CLNK: variants seen among roughly 807,000 people sequenced by gnomAD.
The protein encoded by CLNK is cytokine dependent hematopoietic cell linker, also known as cytokine-dependent hematopoietic cell linker.
Under a neutral mutation model 68.6 loss-of-function variants are expected in CLNK, and 74 were observed. The observed-to-expected ratio is 1.08, with a 90% CI of 0.89 to 1.31. The LOEUF is 1.31. Ranked by LOEUF, CLNK falls within the 50% of genes most tolerant of loss-of-function variation. The probability of loss-of-function intolerance (pLI) is 0.00; values close to 1 mark genes in which losing one functional copy is unlikely to be tolerated. For synonymous variants in CLNK, 198 were observed against 172.2 expected, an observed-to-expected ratio of 1.15 and a Z score of -1.17; for missense variants, 553 against 515.3, an observed-to-expected ratio of 1.07 and a Z score of -0.71.
At chr4:10,636,169 T>A (rs993542330) in intron 2 of CLNK, among the ~76,000 whole-genome samples, 2 of 152,184 alleles carry the variant, frequency 1.3e-5, no homozygotes, top group Non-Finnish European at 2.9e-5. Context: ...GTATTGTGAA[T>A]GTGAATTTAT....
intron 2 of CLNK, among the ~76,000 whole-genome samples, chr4:10,620,383 C>G (rs762193750): frequency 6.6e-6 from 1 of 152,180 alleles, no homozygotes; most frequent in Non-Finnish European, 1.5e-5. Context: ...GCCAGAAACC[C>G]ACCTATCCTA....
the CLNK span, among the ~76,000 whole-genome samples, chr4:10,692,636 G>C: frequency 1.3e-5 from 2 of 152,204 alleles, no homozygotes; most frequent in Non-Finnish European, 2.9e-5. Flanking sequence ...AGAAAACAAG[G>C]AAACGTTTTC....
intron 12 of CLNK, among the ~76,000 whole-genome samples, chr4:10,530,872 A>G (rs1577110083): frequency 1.3e-5 from 2 of 152,132 alleles, no homozygotes; most frequent in South Asian, 4.2e-4. Flanking sequence ...AGGAAGTGCA[A>G]CCCCTCCCAG....
intron 2 of CLNK, among the ~76,000 whole-genome samples, chr4:10,610,218 G>C (rs1237451723): frequency 6.6e-6 from 1 of 150,476 alleles, no homozygotes; most frequent in African/African-American, 2.4e-5. Flanking sequence ...CACTGCGCCC[G>C]GCTAATTTTT....
chr4:10,723,222 T>A, the CLNK span, among the ~76,000 whole-genome samples: 2 of 152,192 alleles, frequency 1.3e-5, no homozygotes, highest in African/African-American at 4.8e-5. Context: ...TACTTGGGCA[T>A]AGAAAGTTGG....
At chr4:10,672,509 G>A (rs553898300) in intron 1 of CLNK, among the ~76,000 whole-genome samples, 116 of 152,266 alleles carry the variant, frequency 7.6e-4, no homozygotes, top group African/African-American at 2.6e-3. Flanking sequence ...TGAACTTGAA[G>A]ATTAATTAAA....
intron 11 of CLNK, among the ~76,000 whole-genome samples, chr4:10,535,665 A>G (rs1718731636): frequency 6.6e-6 from 1 of 152,196 alleles, no homozygotes; most frequent in Non-Finnish European, 1.5e-5. Flanking sequence ...TGTCAAAGAG[A>G]AAGGCTCAGT....
chr4:10,577,712 C>G (rs771443214), intron 4 of CLNK, among the ~76,000 whole-genome samples: 9 of 151,878 alleles, frequency 5.9e-5, no homozygotes, highest in African/African-American at 2.4e-5. Context: ...AGAACAGGGT[C>G]TCTGAGGACT....
intron 2 of CLNK, among the ~76,000 whole-genome samples, chr4:10,631,808 AC>A (rs1354449929): frequency 6.6e-6 from 1 of 152,268 alleles, no homozygotes; most frequent in East Asian, 1.9e-4. Flanking sequence ...AGTTACCTTT[AC>A]TTTTTAGTGA....
At chr4:10,574,804 T>C (rs990350418) in intron 4 of CLNK, among the ~76,000 whole-genome samples, 1 of 152,136 alleles carries the variant, frequency 6.6e-6, no homozygotes, top group Admixed American at 6.5e-5. Flanking sequence ...TTCCAGACAT[T>C]GTATGGAAAA....
chr4:10,539,793 G>T (rs1718943199), intron 11 of CLNK, among the ~76,000 whole-genome samples: 1 of 152,176 alleles, frequency 6.6e-6, no homozygotes, highest in Non-Finnish European at 1.5e-5. Flanking sequence ...TATTTCTCCA[G>T]CCTGGGTGAT....
At chr4:10,608,664 C>A (rs866992832) in intron 2 of CLNK, among the ~76,000 whole-genome samples, 1 of 152,308 alleles carries the variant, frequency 6.6e-6, no homozygotes, top group East Asian at 1.9e-4. Context: ...GTGTTGAAAT[C>A]GGGAAGAAAA....
chr4:10,687,899 T>C (rs1013635866), upstream of CLNK, among the ~76,000 whole-genome samples: 2 of 152,214 alleles, frequency 1.3e-5, no homozygotes, highest in African/African-American at 2.4e-5. Context: ...ATTGGGTTCA[T>C]GGATCCTGAG....
At chr4:10,662,058 T>C (rs1043303531) in intron 2 of CLNK, among the ~76,000 whole-genome samples, 1 of 152,186 alleles carries the variant, frequency 6.6e-6, no homozygotes, top group Admixed American at 6.5e-5. Flanking sequence ...AACTGCTAGG[T>C]TATTACTAGA....
chr4:10,680,483 G>C (rs903008680), intron 1 of CLNK, among the ~76,000 whole-genome samples: 1 of 151,846 alleles, frequency 6.6e-6, no homozygotes, highest in Non-Finnish European at 1.5e-5. Context: ...AAACCTGCAC[G>C]TTGTGCACAT....
At chr4:10,652,901 T>C (rs900346712) in intron 2 of CLNK, among the ~76,000 whole-genome samples, 1 of 152,214 alleles carries the variant, frequency 6.6e-6, no homozygotes, top group Non-Finnish European at 1.5e-5. Flanking sequence ...TGTATGTTTA[T>C]TGCGGCACTG....
chr4:10,662,809 C>A (rs959932646), intron 2 of CLNK, among the ~76,000 whole-genome samples: 2 of 152,216 alleles, frequency 1.3e-5, no homozygotes, highest in African/African-American at 4.8e-5. Flanking sequence ...TGGCAATTTT[C>A]ATTCTTCTTT....
At chr4:10,550,733 A>AT (rs767450414) in intron 8 of CLNK, among the ~76,000 whole-genome samples, 10 of 152,200 alleles carry the variant, frequency 6.6e-5, no homozygotes, top group Non-Finnish European at 1.5e-4. Context: ...TAGAAGATTC[A>AT]TTTTTATTGT....
At chr4:10,717,333 C>T in the CLNK span, among the ~76,000 whole-genome samples, 3 of 152,150 alleles carry the variant, frequency 2.0e-5, no homozygotes, top group Non-Finnish European at 2.9e-5. Flanking sequence ...TGGTGGCTCA[C>T]GCCTGTAATC....
Sources: allele counts gnomAD v4.1 joint callset (sites outside exome capture counted in the v4.1 genomes callset), GRCh38; gene constraint gnomAD v4.1.1; transcripts MANE v1.5; gene names NCBI Gene and HGNC (gene_info 2026-07-23, HGNC 2026-07-21).